KDM5C: variants seen among roughly 807,000 people sequenced by gnomAD.
KDM5C encodes lysine demethylase 5C, also known as lysine-specific demethylase 5C.
In KDM5C, 16 loss-of-function variants were observed where a neutral mutation model predicts 110.6. The ratio of observed to expected loss-of-function variants is 0.14; its 90% CI spans 0.10 to 0.22. The LOEUF (loss-of-function observed/expected upper bound fraction) is 0.22. Among genes scored for constraint, KDM5C ranks in the 10% least tolerant of loss-of-function variants. The probability of loss-of-function intolerance (pLI) is 1.00; values close to 1 mark genes in which losing one functional copy is unlikely to be tolerated. For missense variants in KDM5C, 681 were observed against 1,300.9 expected (o/e 0.52, Z 7.33); for synonymous variants, 511 against 520.4 (o/e 0.98, Z 0.24).
chrX:53,185,305 T>C (rs1934185698), intron 25 of KDM5C, among the ~76,000 whole-genome samples: 1 of 111,179 alleles, frequency 9.0e-6, no homozygotes, highest in Non-Finnish European at 1.9e-5. Flanking sequence ...CTTCTGGCTA[T>C]TAAGGATGGA....
intron 8 of KDM5C, 34 bp from the exon 9 acceptor site, chrX:53,211,940 G>A: frequency 8.3e-7 from 1 of 1,205,977 alleles, no homozygotes; most frequent in Non-Finnish European, 1.1e-6. Context: ...CACCAAAACA[G>A]AGGCAAAGAG....
At chrX:53,207,817 C>T (rs1450433270) in intron 12 of KDM5C, among the ~76,000 whole-genome samples, 8 of 108,686 alleles carry the variant, frequency 7.4e-5, no homozygotes, top group African/African-American at 1.7e-4. Flanking sequence ...GGCGTGGTGG[C>T]GGGCAACTGT....
At position 53,192,874 on chromosome X, in the gene KDM5C, C is replaced by T; in HGVS notation, c.*93G>A. ...GCAGGGATGGCCACCCCCCTACCCG[C>T]CCACCCCCCAAGAAGCAGGCTTGAT... On this transcript the variant is annotated 3_prime_UTR_variant, in exon 26 of 26. Transcript: ENST00000375401. 1.1e-6 allele frequency: 1 copy of T among 935,216 alleles called. No individual in the cohort carries two copies. The highest frequency in any genetic ancestry group is 1.4e-6 in the Non-Finnish European group (1 of 710,493). 77.1% of individuals were successfully genotyped at this position (935,216 alleles called of 1,213,427 possible).
In KDM5C at chrX:53,211,923, A is replaced by G; in HGVS notation, c.1123-17T>C. 1.7e-6 allele frequency: 2 copies of G among 1,209,571 alleles called. No individual in the cohort carries two copies. Among genetic ancestry groups the G allele is most frequent in the Non-Finnish European group, 2.2e-6 (2 of 894,374 alleles). ...CTTACACTCCTGAAACCCAAAGGAG[A>G]ACATGTCACCAAAACAGAGGCAAAG... On this transcript the variant is annotated splice_polypyrimidine_tract_variant and intron_variant, in intron 8 of 25. Transcript: ENST00000375401.
chrX:53,218,849 C>T, intron 2 of KDM5C: 1 of 256,291 alleles, frequency 3.9e-6, no homozygotes, highest in South Asian at 3.6e-5. Flanking sequence ...GCTGGGATCA[C>T]AGGCACAAGC....
chrX:53,196,721 G>T lies in KDM5C; in HGVS notation c.2946C>A (p.Arg982=), dbSNP rs1207209030. 8.3e-7 allele frequency: 1 copy of T among 1,211,866 alleles called. No individual in the cohort carries two copies. The highest frequency in any genetic ancestry group is 1.7e-5 in the African/African-American group (1 of 57,929). ...GGCAGAGGTGGGCTTTCTCCTCCCAGCGTTCAGCAATGGTCAGCAGTTCCT... is the reference window on the plus strand; with the variant it reads ...GGCAGAGGTGGGCTTTCTCCTCCCATCGTTCAGCAATGGTCAGCAGTTCCT... The part of the protein sequence containing the change: ...ELQELLTIAE[R]WEEKAHLCLE... The change falls in exon 19 of 26, where the codon CGC becomes CGA. Residue 982 remains arginine, a synonymous_variant. Coordinates refer to ENST00000375401, the MANE Select transcript of KDM5C (RefSeq NM_004187.5).
intron 25 of KDM5C, among the ~76,000 whole-genome samples, chrX:53,181,675 C>CAAAAAAAAAAAAAAAAAAAA (rs60649092): frequency 3.8e-5 from 2 of 52,641 alleles, no homozygotes; most frequent in African/African-American, 7.8e-5. Flanking sequence ...GACCATGTCT[C>CAAAAAAAAAAAAAAAAAAAA]AAAAAAAAAA....
rs782657242 is a variant in KDM5C, at chrX:53,198,597, C to T, written c.2409G>A (p.Glu803=). ...ELRALESEAR[E]RRFPNSELLQ... The stretch of plus-strand genomic sequence containing the variant: ...GCAGCTCACTATTAGGAAACCTCCG[C>T]TCACGGGCTTCAGACTCTAGTGCCC... The change falls in exon 17 of 26, where the codon GAG becomes GAA. Residue 803 remains glutamate (E), a synonymous_variant. Transcript: ENST00000375401. The T allele has an allele frequency of 9.9e-6, 12 of 1,210,484 alleles. No individual in the cohort carries two copies. The South Asian group carries it at 2.1e-4, about 21-fold the overall frequency.
chrX:53,192,685 C>A lies in KDM5C; in HGVS notation c.*282G>T, dbSNP rs1934498571. On this transcript the variant is annotated 3_prime_UTR_variant, in exon 26 of 26. Coordinates refer to ENST00000375401, the MANE Select transcript of KDM5C (RefSeq NM_004187.5). ...GGTGATGGCCCAGCCCCAGCCACCC[C>A]CCTGCCCACCAGCCCATCCATCTAT... is the stretch of plus-strand genomic sequence containing the variant. The A allele has an allele frequency of 8.8e-7, 1 of 1,133,105 alleles. No individual in the cohort carries two copies. Among genetic ancestry groups the A allele is most frequent in the African/African-American group, 1.8e-5 (1 of 55,320 alleles). The allele number at this position is 1,133,105 out of a possible 1,213,427, so 93.4% of individuals were successfully genotyped here.
intron 12 of KDM5C, among the ~76,000 whole-genome samples, chrX:53,204,473 T>C (rs1425487441): frequency 9.0e-6 from 1 of 111,212 alleles, no homozygotes; most frequent in Non-Finnish European, 1.9e-5. Flanking sequence ...TAGACATTTC[T>C]AGCTGCCCAG....
At position 53,193,274 on chromosome X, in the gene KDM5C, C is replaced by T. The variant is rs1934560017; in HGVS notation, c.4376G>A (p.Arg1459Gln). 5 of 1,207,063 alleles carry T rather than the reference C, an allele frequency of 4.1e-6. No homozygotes were observed. The highest frequency in any genetic ancestry group is 5.6e-6 in the Non-Finnish European group (5 of 894,696). ...CCCACCCCGATCCACCTTCCGCCGC[C>T]GCCGCCTCTCCAGGGCCCGGCCCCG... ...RARGRALERR[R>Q]RRKVDRGGEG... The change falls in exon 26 of 26, where the codon CGG becomes CAG. Residue 1459 changes from arginine to glutamine, a missense_variant. Around this residue, in one of 14 missense-constraint regions of KDM5C, gnomAD observed 115 missense variants for 120.9 expected, o/e 0.95. Coordinates refer to ENST00000375401, the MANE Select transcript of KDM5C (RefSeq NM_004187.5).
At chrX:53,195,657 G>A (rs782354454) in intron 20 of KDM5C, among the ~76,000 whole-genome samples, 1 of 111,483 alleles carries the variant, frequency 9.0e-6, no homozygotes, top group South Asian at 3.8e-4. Context: ...CCATGCCCCT[G>A]CCCTGCTCAG....
At chrX:53,221,650 A>C in intron 1 of KDM5C, 4 of 735,484 alleles carry the variant, frequency 5.4e-6, no homozygotes, top group Non-Finnish European at 7.5e-6. Context: ...ACTGCAGGGA[A>C]GAGCAAGGAA....
At chrX:53,203,943 C>T (rs1222064389) in intron 12 of KDM5C, among the ~76,000 whole-genome samples, 2 of 110,964 alleles carry the variant, frequency 1.8e-5, no homozygotes, top group African/African-American at 6.6e-5. Flanking sequence ...TTAGTAGAGA[C>T]GGGGTTTTGT....
chrX:53,200,173 C>G (rs1160132813), intron 14 of KDM5C, among the ~76,000 whole-genome samples: 1 of 111,515 alleles, frequency 9.0e-6, no homozygotes, highest in Non-Finnish European at 1.9e-5. Context: ...ACAGGCCTAT[C>G]TCATTTTACT....
At chrX:53,181,828 T>A (rs1325026812) in intron 25 of KDM5C, among the ~76,000 whole-genome samples, 5 of 109,540 alleles carry the variant, frequency 4.6e-5, no homozygotes, top group Non-Finnish European at 7.6e-5. Context: ...TCGCTCTGTC[T>A]CCCAGGCTGG....
intron 12 of KDM5C, 57 bp downstream of exon 12, chrX:53,210,357 C>A (rs1367168736): frequency 8.4e-7 from 1 of 1,189,419 alleles, no homozygotes; most frequent in Non-Finnish European, 1.1e-6. Flanking sequence ...CCACCACCAT[C>A]ACAAAGGACA....
Position 53,220,980 on chromosome X carries a change from C to T in KDM5C, c.151-64G>A, listed in dbSNP as rs1395463401. ...CAGCATAGTGTAAGACCGGAAGTCACCAAAAGCAGCTCGGAATCCCACTGG... is the reference window on the plus strand; with the variant it reads ...CAGCATAGTGTAAGACCGGAAGTCATCAAAAGCAGCTCGGAATCCCACTGG... On this transcript the variant is annotated intron_variant, in intron 1 of 25. Coordinates refer to ENST00000375401, the MANE Select transcript of KDM5C (RefSeq NM_004187.5). The T allele has an allele frequency of 3.0e-6, 3 of 984,594 alleles. No homozygotes were observed. In the African/African-American group the frequency reaches 5.7e-5, roughly 19 times the overall value. The allele number at this position is 984,594 out of a possible 1,213,427, so 81.1% of individuals were successfully genotyped here.
rs2146950617 is a variant in KDM5C at position 53,217,892 on chromosome X, G to A, written c.426C>T (p.Asn142=). The A allele has an allele frequency of 1.7e-6, 2 of 1,211,243 alleles. No homozygotes were observed. Among genetic ancestry groups the A allele is most frequent in the Non-Finnish European group, 2.2e-6 (2 of 894,820 alleles). ...RRWARVAQRL[N]YPPGKNIGSL... is the part of the protein sequence containing the mutation. ...AGCCAATATTTTTGCCTGGTGGATA[G>A]TTGAGGCGCTGGGCTACCCGAGCCC... The change falls in exon 4 of 26, where the codon AAC becomes AAT. Residue 142 remains asparagine, a synonymous_variant. Coordinates refer to ENST00000375401, the MANE Select transcript of KDM5C (RefSeq NM_004187.5).
Sources: gnomAD v4.1 joint callset for allele counts (sites outside exome capture counted in the v4.1 genomes callset) on GRCh38, gnomAD v4.1.1 for gene constraint, gnomAD v4.1.1 regional missense constraint, MANE v1.5 for transcripts, NCBI Gene and HGNC (gene_info 2026-07-23, HGNC 2026-07-21) for gene names.